The following SPOP variants were observed in gnomAD, a reference collection of about 807,000 sequenced individuals.
The protein encoded by SPOP is speckle type BTB/POZ protein, also known as speckle-type POZ protein.
Under a neutral mutation model 45.6 loss-of-function variants are expected in SPOP, and 11 were observed. The ratio of observed to expected loss-of-function variants is 0.24; its 90% CI spans 0.15 to 0.40. SPOP has a LOEUF of 0.40. Ranked by LOEUF, SPOP falls within the 10% of genes least tolerant of loss-of-function variation. The pLI is 1.00. For synonymous variants in SPOP, 166 were observed against 166.3 expected, an observed-to-expected ratio of 1.00 and a Z score of 0.01; for missense variants, 152 against 465.6, an observed-to-expected ratio of 0.33 and a Z score of 6.20.
chr17:49,635,208 C>T (rs373965305), intron 1 of SPOP, among the ~76,000 whole-genome samples: 6 of 152,024 alleles, frequency 3.9e-5, no homozygotes, highest in African/African-American at 9.7e-5. Context: ...TCTAAGTAAA[C>T]GAAATGGAAC....
At chr17:49,605,030 T>C (rs2071811393) in intron 8 of SPOP, among the ~76,000 whole-genome samples, 1 of 152,196 alleles carries the variant, frequency 6.6e-6, no homozygotes. Flanking sequence ...CTCAGTATTT[T>C]TCATAAGACT....
At chr17:49,639,952 A>G (rs1201312389) in intron 1 of SPOP, among the ~76,000 whole-genome samples, 4 of 152,134 alleles carry the variant, frequency 2.6e-5, no homozygotes, top group African/African-American at 9.7e-5. Flanking sequence ...GTTATATTTC[A>G]TAATAAAAAT....
At chr17:49,601,659 G>C in intron 9 of SPOP, 2 of 563,236 alleles carry the variant, frequency 3.6e-6, no homozygotes, top group South Asian at 5.2e-5. Flanking sequence ...TTCACTATGA[G>C]GAAGTAAAAC....
At chr17:49,630,594 GTTTTTTTGTTTTCTTTAAA>G (rs1018571630) in intron 1 of SPOP, among the ~76,000 whole-genome samples, 10 of 72,284 alleles carry the variant, frequency 1.4e-4, no homozygotes, top group Middle Eastern at 5.0e-3. Flanking sequence ...AAAGATGCCT[GTTTTTTTGTTTTCTTTAAA>G]TTTTTTTTAA....
chr17:49,647,359 T>A lies in SPOP; in HGVS notation c.-66-24483A>T, dbSNP rs189305461. Among the ~76,000 whole-genome samples the A allele has an allele frequency of 2.7e-5, 4 of 148,214 alleles. No homozygotes were observed. In the East Asian group the frequency reaches 8.0e-4, roughly 30 times the overall value. On this transcript the variant is annotated intron_variant, in intron 1 of 9. Coordinates refer to ENST00000504102, the MANE Select transcript of SPOP (RefSeq NM_001007228.2). ...AAAAAAAAAAGTTCTTTTGTTCTAA[T>A]GAATTTGGAGCACCATTATTAATGG... is the stretch of plus-strand genomic sequence containing the variant.
At chr17:49,656,131 G>GTAA (rs1251566649) in intron 1 of SPOP, among the ~76,000 whole-genome samples, 1 of 152,034 alleles carries the variant, frequency 6.6e-6, no homozygotes, top group Non-Finnish European at 1.5e-5. Flanking sequence ...TAAAAGTTAT[G>GTAA]TAATAATCTC....
intron 1 of SPOP, among the ~76,000 whole-genome samples, chr17:49,649,403 GGC>G (rs2072809296): frequency 6.6e-6 from 1 of 151,870 alleles, no homozygotes; most frequent in Admixed American, 6.6e-5. Context: ...TGGGCGTGGC[GGC>G]GCATGCCTGT....
chr17:49,652,379 T>C (rs2072854484), intron 1 of SPOP, among the ~76,000 whole-genome samples: 1 of 152,172 alleles, frequency 6.6e-6, no homozygotes, highest in Admixed American at 6.5e-5. Flanking sequence ...CAATCAACCA[T>C]AAAAAATATT....
chr17:49,602,135 A>G, intron 8 of SPOP, 128 bp from the exon 9 acceptor site: 5 of 1,011,640 alleles, frequency 4.9e-6, no homozygotes, highest in Non-Finnish European at 7.0e-6. Context: ...AGACCATGAA[A>G]AGCTACTACT....
intron 1 of SPOP, among the ~76,000 whole-genome samples, chr17:49,660,165 A>G (rs1042457517): frequency 1.3e-5 from 2 of 152,172 alleles, no homozygotes; most frequent in African/African-American, 4.8e-5. Flanking sequence ...GACTTCCACC[A>G]ACCTCTCTGA....
At position 49,599,646 on chromosome 17, in the gene SPOP, GTTA is replaced by G. The variant is rs1451858319; in HGVS notation, c.*729_*731del. 8.5e-5 allele frequency: 18 copies of G among 211,762 alleles called. No homozygotes were observed. The East Asian group carries it at 1.2e-3, about 14-fold the overall frequency. The allele number at this position is 211,762 out of a possible 1,614,324, so 13.1% of individuals were successfully genotyped here. A position where few individuals can be genotyped will look rare whatever the true frequency, so the allele number is the denominator to read the frequency against. On this transcript the variant is annotated 3_prime_UTR_variant, in exon 10 of 10. Transcript: ENST00000504102. ...TCAAGACAATATGAATTCTGGATGA[GTTA>G]TTTTTTCCAGTTTTCAACACCAATA...
chr17:49,671,845 A>C (rs2143580112), intron 1 of SPOP, among the ~76,000 whole-genome samples: 1 of 152,290 alleles, frequency 6.6e-6, no homozygotes, highest in Middle Eastern at 3.4e-3. Flanking sequence ...ATTTCTATTC[A>C]AAACACAAAA....
In SPOP at chr17:49,607,981, T is replaced by C. The variant is rs529064614; in HGVS notation, c.659-52A>G. ...ATAAGGCTATCACAGTGAAATCTCT[T>C]GGTTGTTGCCAGTCATGAGGGAGAG... On this transcript the variant is annotated intron_variant, in intron 6 of 9. Transcript: ENST00000504102. 5.1e-6 allele frequency: 8 copies of C among 1,569,676 alleles called. No individual in the cohort carries two copies. In the African/African-American group the frequency reaches 8.1e-5, roughly 16 times the overall value.
intron 1 of SPOP, among the ~76,000 whole-genome samples, chr17:49,641,335 A>T (rs1188893783): frequency 6.9e-5 from 10 of 144,306 alleles, no homozygotes; most frequent in Non-Finnish European, 6.0e-5. Flanking sequence ...CTGCTTCATC[A>T]TTTTTTTTTC....
chr17:49,601,966 G>A lies in SPOP; in HGVS notation c.879C>T (p.Leu293=), dbSNP rs765368825. 6 of 1,614,054 alleles carry A rather than the reference G, an allele frequency of 3.7e-6. No homozygotes were observed. Among genetic ancestry groups the A allele is most frequent in the Non-Finnish European group, 4.2e-6 (5 of 1,180,008 alleles). ...CGTTCTCCACGGACAGGTTACTGCA[G>A]AGGGCATCCTCACACATGACCTTTA... ...ERLKVMCEDA[L]CSNLSVENAA... Residue 293 remains leucine, a synonymous_variant, in exon 9 of 10, where the codon CTC becomes CTT. Coordinates refer to ENST00000504102, the MANE Select transcript of SPOP (RefSeq NM_001007228.2).
rs913627726 is a variant in SPOP at position 49,599,231 on chromosome 17, G to GA, written c.*1146dup. 1.8e-5 allele frequency: 4 copies of GA among 220,498 alleles called. No homozygotes were observed. The highest frequency in any genetic ancestry group is 9.0e-5 in the African/African-American group (4 of 44,412). 13.7% of individuals were successfully genotyped at this position (220,498 alleles called of 1,614,324 possible). A position where few individuals can be genotyped will look rare whatever the true frequency, so the allele number is the denominator to read the frequency against. ...CAAAATCCCTTAAGCAAGGGACTCA[G>GA]ACCCAAGAGACAAGGCAGGTGAGTG... On this transcript the variant is annotated 3_prime_UTR_variant, in exon 10 of 10. Transcript: ENST00000504102.
chr17:49,610,027 T>C (rs919140824), intron 6 of SPOP, among the ~76,000 whole-genome samples: 6 of 152,066 alleles, frequency 3.9e-5, no homozygotes, highest in Admixed American at 2.6e-4. Flanking sequence ...CAAAAGGGCC[T>C]CCTTTTCTCT....
rs768452774 is a variant in SPOP at position 49,599,291 on chromosome 17, T to C, written c.*1087A>G. The stretch of plus-strand genomic sequence containing the variant: ...ACCAGAGATACCACACAGTACAAAA[T>C]AGTAATTATTTATATTTTCAAAAAA... On this transcript the variant is annotated 3_prime_UTR_variant, in exon 10 of 10. Coordinates refer to ENST00000504102, the MANE Select transcript of SPOP (RefSeq NM_001007228.2). 3.9e-4 allele frequency: 86 copies of C among 219,050 alleles called. No homozygotes were observed. The highest frequency in any genetic ancestry group is 7.1e-4 in the Non-Finnish European group (78 of 109,608). 13.6% of individuals were successfully genotyped at this position (219,050 alleles called of 1,614,324 possible).
At position 49,619,083 on chromosome 17, in the gene SPOP, C is replaced by A. The variant is rs777389504; in HGVS notation, c.378G>T (p.Val126=). 6.2e-7 allele frequency: 1 copy of A among 1,614,084 alleles called. No individual in the cohort carries two copies. Among genetic ancestry groups the A allele is most frequent in the Non-Finnish European group, 8.5e-7 (1 of 1,180,020 alleles). Residue 126 remains valine (V), a synonymous_variant, in exon 5 of 10, where the codon GTG becomes GTT. Transcript: ENST00000504102. This position sits in a 1 kb window ranked among gnomAD's most constrained non-coding sequence, Gnocchi z 4.9. ...TCTTGAATCCCCAGTCTTTGCCTTG[C>A]ACAAACCTATATGCCCGTTGACTCT... ...AMESQRAYRF[V]QGKDWGFKKF...
Sources: allele counts gnomAD v4.1 joint callset (sites outside exome capture counted in the v4.1 genomes callset), GRCh38; gene constraint gnomAD v4.1.1; non-coding constraint Gnocchi (gnomAD v3.1); transcripts MANE v1.5; gene names NCBI Gene and HGNC (gene_info 2026-07-23, HGNC 2026-07-21).